SESTD1: variants seen among roughly 807,000 people sequenced by gnomAD.
The protein encoded by SESTD1 is SEC14 and spectrin domain containing 1.
Under a neutral mutation model 101.7 loss-of-function variants are expected in SESTD1, and 43 were observed. The observed-to-expected ratio is 0.42, with a 90% CI of 0.33 to 0.55. SESTD1 has a LOEUF of 0.55. Ranked by LOEUF, SESTD1 falls within the 20% of genes least tolerant of loss-of-function variation. The probability of loss-of-function intolerance (pLI) is 0.07; values close to 1 mark genes in which losing one functional copy is unlikely to be tolerated. For missense variants in SESTD1, 647 were observed against 815.1 expected, an observed-to-expected ratio of 0.79 and a Z score of 2.51; for synonymous variants, 283 against 286.8, an observed-to-expected ratio of 0.99 and a Z score of 0.13.
intron 1 of SESTD1, among the ~76,000 whole-genome samples, chr2:179,263,597 A>G (rs1270871159): frequency 6.6e-6 from 1 of 151,934 alleles, no homozygotes; most frequent in Non-Finnish European, 1.5e-5. Context: ...GCTGCTATCT[A>G]GTTACTCCCT....
chr2:179,142,811 T>G (rs1252211635), intron 9 of SESTD1, among the ~76,000 whole-genome samples: 2 of 152,180 alleles, frequency 1.3e-5, no homozygotes, highest in Non-Finnish European at 2.9e-5. Context: ...GTCATGTCCT[T>G]GTGACCCTTA....
Position 179,101,907 on chromosome 2 carries a change from T to C in SESTD1, c.*7992A>G, listed in dbSNP as rs999728711. Reference sequence around the variant, plus strand: ...ATGTTGAACTGTCACTCAAATGTACTTAACTTCATTGGACAAGGTATAAGG... The same window carrying C: ...ATGTTGAACTGTCACTCAAATGTACCTAACTTCATTGGACAAGGTATAAGG... On this transcript the variant is annotated 3_prime_UTR_variant, in exon 18 of 18. Transcript: ENST00000428443. 3 of 152,188 alleles carry C rather than the reference T, an allele frequency of 2.0e-5. No individual in the cohort carries two copies. The highest frequency in any genetic ancestry group is 7.2e-5 in the African/African-American group (3 of 41,458). The allele number at this position is 152,188 out of a possible 1,614,324, so 9.4% of individuals were successfully genotyped here. A position where few individuals can be genotyped will look rare whatever the true frequency, so the allele number is the denominator to read the frequency against.
chr2:179,218,112 TA>T (rs1485794371), intron 1 of SESTD1, among the ~76,000 whole-genome samples: 1 of 152,176 alleles, frequency 6.6e-6, no homozygotes, highest in African/African-American at 2.4e-5. Flanking sequence ...ACATGTACCC[TA>T]GAACTTAAAG....
chr2:179,201,592 C>A (rs1337361428), intron 1 of SESTD1, among the ~76,000 whole-genome samples: 1 of 128,380 alleles, frequency 7.8e-6, no homozygotes, highest in Non-Finnish European at 1.6e-5. Context: ...ACTATGCAGC[C>A]ATAAAAAATG....
At chr2:179,186,082 T>C (rs998300225) in intron 2 of SESTD1, among the ~76,000 whole-genome samples, 18 of 147,338 alleles carry the variant, frequency 1.2e-4, no homozygotes, top group Non-Finnish European at 2.2e-4. Context: ...ATATATAATA[T>C]AATACATACT....
intron 1 of SESTD1, among the ~76,000 whole-genome samples, chr2:179,212,084 C>T (rs1249277464): frequency 7.4e-6 from 1 of 135,200 alleles, no homozygotes; most frequent in African/African-American, 2.9e-5. Context: ...GTGATTGATG[C>T]AGAAGACATG....
chr2:179,173,691 A>G (rs1455425605), intron 4 of SESTD1, among the ~76,000 whole-genome samples: 1 of 152,178 alleles, frequency 6.6e-6, no homozygotes, highest in Non-Finnish European at 1.5e-5. Context: ...ACCTGGGTTC[A>G]ATACATTCTT....
rs762335140 is a variant in SESTD1 at position 179,116,670 on chromosome 2, G to A, written c.1645C>T (p.Gln549Ter). ...EKHRKFVDVAQSTYDYGRQLL... is the reference protein window; with the variant it reads ...EKHRKFVDVA ...AAGGAAGATAACCAGTTTTGCACCT[G>A]TGCAACATCAACAAATTTTCTATGC... The change falls in exon 15 of 18, where the codon CAG becomes TAG. Residue 549 changes from glutamine to a stop codon, truncating the protein, a stop_gained and splice_region_variant. Transcript: ENST00000428443. LOFTEE classifies it high-confidence loss of function. 1.2e-6 allele frequency: 2 copies of A among 1,614,080 alleles called. No homozygotes were observed.
At position 179,151,692 on chromosome 2, in the gene SESTD1, CT is replaced by C. The variant is rs139022825; in HGVS notation, c.370-302del. Among the ~76,000 whole-genome samples the C allele has an allele frequency of 5.4e-3, 817 of 152,000 alleles. 8 individuals are homozygous for C. The highest frequency in any genetic ancestry group is 0.019 in the African/African-American group (794 of 41,450). On this transcript the variant is annotated intron_variant, in intron 5 of 17. Coordinates refer to ENST00000428443, the MANE Select transcript of SESTD1 (RefSeq NM_178123.5). ...TGTAATAAAAATCAATAATCAATTCCTTAATGCAATGAAGTAATAAAAAATT... is the reference window on the plus strand; with the variant it reads ...TGTAATAAAAATCAATAATCAATTCCTAATGCAATGAAGTAATAAAAAATT...
chr2:179,116,294 T>C (rs1484884955), intron 15 of SESTD1, among the ~76,000 whole-genome samples: 1 of 146,388 alleles, frequency 6.8e-6, no homozygotes, highest in Non-Finnish European at 1.5e-5. Flanking sequence ...AAAAAGACAC[T>C]TTTCACCACA....
intron 6 of SESTD1, 33 bp downstream of exon 6, chr2:179,151,245 C>A: frequency 7.7e-7 from 1 of 1,301,134 alleles, no homozygotes; most frequent in Non-Finnish European, 1.1e-6. Flanking sequence ...TATTTCTATG[C>A]AATAACATTT....
Position 179,176,429 on chromosome 2 carries a change from T to G in SESTD1, c.255+19A>C. On this transcript the variant is annotated intron_variant, in intron 4 of 17. Transcript: ENST00000428443. The stretch of plus-strand genomic sequence containing the variant: ...CTGTAAAATAAAAACCATTTCCTGA[T>G]AGACAAAACCAAAATTACCTGTAGC... 6.3e-7 allele frequency: 1 copy of G among 1,597,024 alleles called. No homozygotes were observed. The highest frequency in any genetic ancestry group is 8.6e-7 in the Non-Finnish European group (1 of 1,165,816).
intron 1 of SESTD1, among the ~76,000 whole-genome samples, chr2:179,248,976 A>G (rs1309256813): frequency 6.6e-6 from 1 of 151,350 alleles, no homozygotes; most frequent in African/African-American, 2.4e-5. Flanking sequence ...CTGTGGTCCT[A>G]GCTACTCAGG....
chr2:179,176,384 AT>A (rs2046012409), intron 4 of SESTD1, 63 bp downstream of exon 4: 2 of 1,303,124 alleles, frequency 1.5e-6, no homozygotes, highest in Non-Finnish European at 1.1e-6. Flanking sequence ...TGCATTTGCC[AT>A]TTTCACCAGG....
Position 179,216,005 on chromosome 2 carries a change from A to G in SESTD1, c.-25-24139T>C, listed in dbSNP as rs2046715274. ...AACATAACTCAAAATAGTAAGAACT[A>G]TATGACAAATGCACAGCCAATATCA... On this transcript the variant is annotated intron_variant, in intron 1 of 17. Coordinates refer to ENST00000428443, the MANE Select transcript of SESTD1 (RefSeq NM_178123.5). Among the ~76,000 whole-genome samples the G allele has an allele frequency of 1.5e-5, 2 of 134,666 alleles. 1 individual carries two copies. The highest frequency in any genetic ancestry group is 5.7e-4 in the South Asian group (2 of 3,530). The allele number at this position is 134,666 out of a possible 152,430, so 88.3% of individuals were successfully genotyped here. A position where few individuals can be genotyped will look rare whatever the true frequency, so the allele number is the denominator to read the frequency against.
chr2:179,229,786 C>CACACAG (rs1195404424), intron 1 of SESTD1, among the ~76,000 whole-genome samples: 13 of 75,912 alleles, frequency 1.7e-4, no homozygotes, highest in South Asian at 1.5e-3. Flanking sequence ...CTCAAATACA[C>CACACAG]ACACACACAC....
At chr2:179,154,395 CAAAT>C (rs1391797170) in intron 5 of SESTD1, among the ~76,000 whole-genome samples, 1 of 151,934 alleles carries the variant, frequency 6.6e-6, no homozygotes, top group Non-Finnish European at 1.5e-5. Flanking sequence ...ACTGGATAGA[CAAAT>C]AATAAGTTTC....
intron 3 of SESTD1, among the ~76,000 whole-genome samples, chr2:179,178,825 C>T (rs1304631834): frequency 2.0e-5 from 3 of 152,172 alleles, no homozygotes; most frequent in African/African-American, 4.8e-5. Context: ...ATGCAGGTTA[C>T]ACAACCGTTT....
intron 1 of SESTD1, among the ~76,000 whole-genome samples, chr2:179,197,692 T>C (rs1170828064): frequency 6.6e-6 from 1 of 152,138 alleles, no homozygotes; most frequent in Non-Finnish European, 1.5e-5. Flanking sequence ...ACCCAGAATT[T>C]CATATCCAGC....
Sources: gnomAD v4.1 joint callset for allele counts (sites outside exome capture counted in the v4.1 genomes callset) on GRCh38, gnomAD v4.1.1 for gene constraint, MANE v1.5 for transcripts, NCBI Gene and HGNC (gene_info 2026-07-23, HGNC 2026-07-21) for gene names.